XRRA1: variants seen among roughly 807,000 people sequenced by gnomAD.
The protein encoded by XRRA1 is X-ray radiation resistance associated 1, also known as X-ray radiation resistance-associated protein 1.
A neutral mutation model predicts 80.2 loss-of-function variants in XRRA1; 69 were observed. The ratio of observed to expected loss-of-function variants is 0.86; its 90% CI spans 0.71 to 1.05. The LOEUF is 1.05. XRRA1 is among the 50% of genes least tolerant of loss of function. The probability of loss-of-function intolerance (pLI) is 0.00; values close to 1 mark genes in which losing one functional copy is unlikely to be tolerated. For synonymous variants in XRRA1, 348 were observed against 389.9 expected (o/e 0.89, Z 1.27); for missense variants, 967 against 976.4 (o/e 0.99, Z 0.13).
intron 7 of XRRA1, among the ~76,000 whole-genome samples, chr11:74,924,519 G>A (rs946990226): frequency 6.6e-6 from 1 of 151,426 alleles, no homozygotes; most frequent in Non-Finnish European, 1.5e-5. Flanking sequence ...TGCAAATTAT[G>A]TGAAGTTCAG....
intron 10 of XRRA1, among the ~76,000 whole-genome samples, chr11:74,872,064 C>T (rs79574129): frequency 0.021 from 3,233 of 152,218 alleles, 111 homozygotes; most frequent in African/African-American, 0.074. Flanking sequence ...GAGGCAGTAC[C>T]TCTTGACAAC....
At chr11:74,922,488 C>G (rs1384294832) in intron 7 of XRRA1, among the ~76,000 whole-genome samples, 2 of 152,064 alleles carry the variant, frequency 1.3e-5, no homozygotes, top group African/African-American at 4.8e-5. Context: ...TCTCCTAAGC[C>G]TCCATAGACA....
intron 10 of XRRA1, among the ~76,000 whole-genome samples, chr11:74,890,741 A>C (rs1264337237): frequency 1.3e-5 from 2 of 152,256 alleles, no homozygotes; most frequent in East Asian, 3.8e-4. Context: ...ATCCCACAGA[A>C]ATACAAACTA....
intron 12 of XRRA1, among the ~76,000 whole-genome samples, chr11:74,855,377 A>G (rs2040844802): frequency 6.6e-6 from 1 of 152,214 alleles, no homozygotes; most frequent in Non-Finnish European, 1.5e-5. Flanking sequence ...TAAAAAGTTG[A>G]AGAAAATTAC....
At chr11:74,891,707 C>T (rs2050750096) in intron 10 of XRRA1, among the ~76,000 whole-genome samples, 1 of 152,156 alleles carries the variant, frequency 6.6e-6, no homozygotes, top group East Asian at 1.9e-4. Context: ...TCAGCAAAGT[C>T]TCAGGATACA....
intron 16 of XRRA1, among the ~76,000 whole-genome samples, chr11:74,844,854 C>G (rs2037603062): frequency 6.6e-6 from 1 of 152,252 alleles, no homozygotes; most frequent in African/African-American, 2.4e-5. Flanking sequence ...AACTGTGGCT[C>G]CCCATAAGCC....
intron 7 of XRRA1, among the ~76,000 whole-genome samples, chr11:74,925,158 G>A (rs1245437782): frequency 6.6e-6 from 1 of 152,230 alleles, no homozygotes; most frequent in Admixed American, 6.5e-5. Context: ...AATTTACAGA[G>A]GGGAAATGTC....
At chr11:74,880,997 G>A (rs1482892706) in intron 10 of XRRA1, among the ~76,000 whole-genome samples, 2 of 146,338 alleles carry the variant, frequency 1.4e-5, no homozygotes, top group African/African-American at 5.1e-5. Flanking sequence ...GCAGAGCTGA[G>A]TTCAATTCCT....
At chr11:74,906,164 G>A in intron 10 of XRRA1, 75 bp downstream of exon 10, 9 of 1,398,562 alleles carry the variant, frequency 6.4e-6, no homozygotes, top group Non-Finnish European at 8.8e-6. Context: ...GACCAAGTGA[G>A]ACTTTCAGAA....
intron 7 of XRRA1, among the ~76,000 whole-genome samples, chr11:74,922,472 T>C (rs1487007455): frequency 6.6e-6 from 1 of 152,084 alleles, no homozygotes; most frequent in East Asian, 1.9e-4. Context: ...CAATATTTGT[T>C]CTCCTTCTCC....
intron 5 of XRRA1, among the ~76,000 whole-genome samples, chr11:74,931,044 T>A (rs1460891242): frequency 6.6e-6 from 1 of 152,018 alleles, no homozygotes; most frequent in African/African-American, 2.4e-5. Flanking sequence ...TGCGCTCAAG[T>A]AATCCGCCTG....
At chr11:74,894,509 C>A (rs1471479458) in intron 10 of XRRA1, among the ~76,000 whole-genome samples, 13 of 152,168 alleles carry the variant, frequency 8.5e-5, no homozygotes, top group Admixed American at 1.3e-4. Context: ...AGGAAACTTA[C>A]AATCATGGCA....
intron 10 of XRRA1, among the ~76,000 whole-genome samples, chr11:74,873,535 C>A (rs1405097779): frequency 6.6e-6 from 1 of 152,180 alleles, no homozygotes; most frequent in Non-Finnish European, 1.5e-5. Flanking sequence ...GACAGTGCTG[C>A]CTCAGGGATT....
intron 8 of XRRA1, among the ~76,000 whole-genome samples, chr11:74,914,884 A>C (rs1565395004): frequency 6.6e-6 from 1 of 152,152 alleles, no homozygotes; most frequent in East Asian, 1.9e-4. Context: ...GGCTCCAGCA[A>C]GACTGGAAAA....
chr11:74,845,292 C>CT (rs2037769620), intron 15 of XRRA1, 21 bp from the exon 16 acceptor site: 1 of 1,593,372 alleles, frequency 6.3e-7, no homozygotes, highest in South Asian at 1.1e-5. Context: ...GAAGAAAACG[C>CT]ATTCATTTGT....
At chr11:74,889,276 A>C (rs1016722906) in intron 10 of XRRA1, among the ~76,000 whole-genome samples, 1 of 152,180 alleles carries the variant, frequency 6.6e-6, no homozygotes, top group African/African-American at 2.4e-5. Context: ...AAGAATTTTC[A>C]ACCCAGAATT....
chr11:74,866,230 T>G (rs1281652548), intron 10 of XRRA1, among the ~76,000 whole-genome samples: 4 of 152,108 alleles, frequency 2.6e-5, no homozygotes, highest in South Asian at 2.1e-4. Flanking sequence ...AACATTTTTT[T>G]GGGTTTTTTT....
chr11:74,896,465 G>A (rs2052343149), intron 10 of XRRA1, among the ~76,000 whole-genome samples: 1 of 152,236 alleles, frequency 6.6e-6, no homozygotes, highest in Non-Finnish European at 1.5e-5. Flanking sequence ...GCGTGGGAAG[G>A]ACTTTGTACT....
At chr11:74,907,400 A>C (rs2054863274) in intron 8 of XRRA1, 127 bp from the exon 9 acceptor site, 1 of 1,240,426 alleles carries the variant, frequency 8.1e-7, no homozygotes, top group African/African-American at 1.5e-5. Context: ...CTAGTGCCCA[A>C]AAGAGGTCCC....
Sources: allele counts gnomAD v4.1 joint callset (sites outside exome capture counted in the v4.1 genomes callset), GRCh38; gene constraint gnomAD v4.1.1; transcripts MANE v1.5; gene names NCBI Gene and HGNC (gene_info 2026-07-23, HGNC 2026-07-21).